Variants in STT3A observed in about 807,000 individuals in gnomAD.
STT3A encodes dolichyl-diphosphooligosaccharide--protein glycosyltransferase subunit STT3A.
A neutral mutation model predicts 89.2 loss-of-function variants in STT3A; 34 were observed. The ratio of observed to expected loss-of-function variants is 0.38; its 90% CI spans 0.29 to 0.51. The LOEUF is 0.51. STT3A is among the 20% of genes least tolerant of loss of function. The pLI is 0.89. For missense variants in STT3A, 555 were observed against 889.5 expected, an observed-to-expected ratio of 0.62 and a Z score of 4.78; for synonymous variants, 282 against 310.3, an observed-to-expected ratio of 0.91 and a Z score of 0.96.
At chr11:125,610,287 A>G in intron 10 of STT3A, among the ~76,000 whole-genome samples, 1 of 151,352 alleles carries the variant, frequency 6.6e-6, no homozygotes, top group Non-Finnish European at 1.5e-5. Flanking sequence ...CTGGTCTTGA[A>G]CTCATGGGCT....
Position 125,606,413 on chromosome 11 carries a change from T to C in STT3A, c.728T>C (p.Val243Ala). The change falls in exon 8 of 18, where the codon GTT (valine) becomes GCT (alanine). Residue 243 changes from valine to alanine, a missense_variant. Val to Ala is a moderately conservative substitution (Grantham distance 64, BLOSUM62 0). This residue lies in a region of STT3A where 149 missense variants were observed against 206.2 expected (regional missense o/e 0.72). Coordinates refer to ENST00000392708, the MANE Select transcript of STT3A (RefSeq NM_152713.5). The part of the protein sequence containing the change: ...SHRIYVAYCT[V>A]YCLGTILSMQ... ...CGGATCTATGTGGCCTACTGTACTG[T>C]TTACTGCCTGGGCACTATACTTTCT... 6.2e-7 allele frequency: 1 copy of C among 1,614,214 alleles called. No homozygotes were observed. Among genetic ancestry groups the C allele is most frequent in the Non-Finnish European group, 8.5e-7 (1 of 1,180,026 alleles).
chr11:125,603,974 G>T (rs1388028572), intron 5 of STT3A, among the ~76,000 whole-genome samples, 183 bp from the exon 6 acceptor site: 5 of 152,154 alleles, frequency 3.3e-5, no homozygotes, highest in African/African-American at 7.2e-5. Context: ...TGGGGAATTG[G>T]TCATGAAGTT....
At chr11:125,603,654 A>G (rs1242291855) in intron 5 of STT3A, among the ~76,000 whole-genome samples, 1 of 152,216 alleles carries the variant, frequency 6.6e-6, no homozygotes, top group Admixed American at 6.5e-5. Flanking sequence ...CCTGAGCTCA[A>G]AGGGTGCCTG....
chr11:125,612,797 G>T (rs1420915707), intron 12 of STT3A, 50 bp downstream of exon 12: 3 of 1,574,314 alleles, frequency 1.9e-6, no homozygotes, highest in Non-Finnish European at 2.6e-6. Context: ...GTGTGTGTGT[G>T]TATGTGTGTA....
rs547845377 is a variant in STT3A, at chr11:125,620,374, C to T, written c.2079+248C>T. ...TTTTCCAGCTGGGGCTTGACTAAACCAGTTTCTGTGATTATCAGGCTCACG... is the reference window on the plus strand; with the variant it reads ...TTTTCCAGCTGGGGCTTGACTAAACTAGTTTCTGTGATTATCAGGCTCACG... On this transcript the variant is annotated intron_variant, in intron 17 of 17. Coordinates refer to ENST00000392708, the MANE Select transcript of STT3A (RefSeq NM_152713.5). 3.3e-5 allele frequency among the ~76,000 whole-genome samples: 5 copies of T among 152,228 alleles called. No homozygotes were observed. The South Asian group carries it at 6.2e-4, about 19-fold the overall frequency.
intron 6 of STT3A, 92 bp downstream of exon 6, chr11:125,604,339 A>T: frequency 7.8e-7 from 1 of 1,275,200 alleles, no homozygotes; most frequent in Non-Finnish European, 1.1e-6. Flanking sequence ...AATAATAAAA[A>T]TGGTAACTGG....
Position 125,618,533 on chromosome 11 carries a change from T to C in STT3A, c.1935T>C (p.Tyr645=). The C allele has an allele frequency of 6.2e-7, 1 of 1,613,734 alleles. No individual in the cohort carries two copies. The highest frequency in any genetic ancestry group is 8.5e-7 in the Non-Finnish European group (1 of 1,179,928). ...LNCLMYKMCY[Y]RFGQVYTEAK... ...GCCTCATGTACAAGATGTGTTACTA[T>C]CGCTTTGGACAGGTTTACACAGAAG... The change falls in exon 16 of 18, where the codon TAT becomes TAC. Residue 645 remains tyrosine, a synonymous_variant. Transcript: ENST00000392708.
intron 3 of STT3A, among the ~76,000 whole-genome samples, chr11:125,600,813 G>A (rs12805929): frequency 6.6e-6 from 1 of 152,044 alleles, no homozygotes. Context: ...TTGAGAAAGG[G>A]TCTTGCTCTG....
chr11:125,613,276 G>T lies in STT3A; in HGVS notation c.1554+99G>T, dbSNP rs11220159. 98,791 of 1,329,736 alleles carry T rather than the reference G, an allele frequency of 0.074. 4,943 individuals are homozygous for T. The highest frequency in any genetic ancestry group is 0.25 in the African/African-American group (17,162 of 69,078). 82.4% of individuals were successfully genotyped at this position (1,329,736 alleles called of 1,614,324 possible). A position where few individuals can be genotyped will look rare whatever the true frequency, so the allele number is the denominator to read the frequency against. ...ACAGCTTTTAGATGGGTGGAAAGCT[G>T]GGTGAAACTGGAACTTTGCAACTCT... is the stretch of plus-strand genomic sequence containing the variant. On this transcript the variant is annotated intron_variant, in intron 13 of 17. Transcript: ENST00000392708. This position sits in a 1 kb window ranked among gnomAD's most constrained non-coding sequence, Gnocchi z 4.2.
At chr11:125,611,740 T>C (rs545913362) in intron 11 of STT3A, among the ~76,000 whole-genome samples, 39 of 152,234 alleles carry the variant, frequency 2.6e-4, no homozygotes, top group Admixed American at 2.0e-4. Context: ...CTTTGTATTA[T>C]AGAAGCATTT....
chr11:125,596,373 G>A (rs768461912), intron 2 of STT3A, among the ~76,000 whole-genome samples: 1 of 152,178 alleles, frequency 6.6e-6, no homozygotes, highest in Non-Finnish European at 1.5e-5. Context: ...GCTGAGGCAC[G>A]AGAATCGCTC....
upstream of STT3A, chr11:125,592,393 C>T (rs1203149572): frequency 2.2e-6 from 1 of 456,296 alleles, no homozygotes; most frequent in East Asian, 6.9e-5. Flanking sequence ...TCTCCTTTCA[C>T]CTTGTATTAG....
chr11:125,606,453 T>C lies in STT3A; in HGVS notation c.768T>C (p.Phe256=), dbSNP rs200885192. 68 of 1,613,070 alleles carry C rather than the reference T, an allele frequency of 4.2e-5. No homozygotes were observed. The highest frequency in any genetic ancestry group is 1.4e-5 in the Non-Finnish European group (17 of 1,179,706). The part of the protein sequence containing the change: ...LGTILSMQIS[F]VGFQPVLSSE... Reference sequence around the variant, plus strand: ...CTATACTTTCTATGCAGATCTCCTTTGTGGGTTTCCAGGTGAGCCCTTGAC... The same window carrying C: ...CTATACTTTCTATGCAGATCTCCTTCGTGGGTTTCCAGGTGAGCCCTTGAC... The change falls in exon 8 of 18, where the codon TTT becomes TTC. Residue 256 remains phenylalanine (F), a synonymous_variant. Transcript: ENST00000392708.
intron 2 of STT3A, among the ~76,000 whole-genome samples, 200 bp downstream of exon 2, chr11:125,596,203 G>T (rs28407465): frequency 1.3e-5 from 2 of 152,144 alleles, no homozygotes; most frequent in African/African-American, 4.8e-5. Context: ...AGTGGTTCAC[G>T]CCTGTAATCC....
chr11:125,620,529 GA>G (rs1380604818), intron 17 of STT3A, among the ~76,000 whole-genome samples: 1 of 152,182 alleles, frequency 6.6e-6, no homozygotes, highest in Non-Finnish European at 1.5e-5. Flanking sequence ...TCTCATATAA[GA>G]AAAGATTGAG....
At chr11:125,611,399 C>T (rs757057000) in intron 10 of STT3A, 29 bp from the exon 11 acceptor site, 1 of 1,586,738 alleles carries the variant, frequency 6.3e-7, no homozygotes, top group Non-Finnish European at 8.7e-7. Flanking sequence ...CAGGACTCAG[C>T]TGCTTATTTC....
chr11:125,601,094 A>G (rs1452199309), intron 3 of STT3A, among the ~76,000 whole-genome samples: 3 of 152,148 alleles, frequency 2.0e-5, no homozygotes, highest in Non-Finnish European at 4.4e-5. Flanking sequence ...GCTGTAATCT[A>G]TATTTTTATG....
At chr11:125,602,769 G>A (rs767947279) in intron 4 of STT3A, 34 bp from the exon 5 acceptor site, 6 of 1,612,722 alleles carry the variant, frequency 3.7e-6, no homozygotes, top group African/African-American at 1.3e-5. Flanking sequence ...GTTCTGGTAA[G>A]ACAACCTAAT....
At chr11:125,615,411 C>T (rs1940149809) in intron 15 of STT3A, among the ~76,000 whole-genome samples, 1 of 152,124 alleles carries the variant, frequency 6.6e-6, no homozygotes. Context: ...TTTCTAAATA[C>T]TGTGTATACA....
Sources: allele counts gnomAD v4.1 joint callset (sites outside exome capture counted in the v4.1 genomes callset), GRCh38; gene constraint gnomAD v4.1.1; regional missense constraint gnomAD v4.1.1; non-coding constraint Gnocchi (gnomAD v3.1); transcripts MANE v1.5; gene names NCBI Gene and HGNC (gene_info 2026-07-23, HGNC 2026-07-21).